The following FZD5 variants were observed in gnomAD, a reference collection of about 807,000 sequenced individuals.
FZD5 encodes frizzled class receptor 5, also known as frizzled-5.
A neutral mutation model predicts 40.8 loss-of-function variants in FZD5; 12 were observed. That is an observed-to-expected ratio of 0.29 (90% CI 0.19 to 0.48). The LOEUF is 0.48. Among genes scored for constraint, FZD5 ranks in the 20% least tolerant of loss-of-function variants. The pLI is 0.99. For synonymous variants in FZD5, 380 were observed against 383.7 expected, an observed-to-expected ratio of 0.99 and a Z score of 0.11; for missense variants, 622 against 832.8, an observed-to-expected ratio of 0.75 and a Z score of 3.12.
rs1379230718 is a variant in FZD5, at chr2:207,766,902, G to A, written c.*80C>T. 1.5e-5 allele frequency: 18 copies of A among 1,161,946 alleles called. No homozygotes were observed. The highest frequency in any genetic ancestry group is 1.9e-5 in the Non-Finnish European group (16 of 864,508). The allele number at this position is 1,161,946 out of a possible 1,614,324, so 72.0% of individuals were successfully genotyped here. On this transcript the variant is annotated 3_prime_UTR_variant, in exon 2 of 2. Coordinates refer to ENST00000295417, the MANE Select transcript of FZD5 (RefSeq NM_003468.4). ...GGGCAACAGCACCATGAAGGTAAAC[G>A]GAAGTGACCTTGGCAAAACTACCAA...
In FZD5 at chr2:207,767,192, C is replaced by G. The variant is rs774814387; in HGVS notation, c.1548G>C (p.Thr516=). 4.4e-6 allele frequency: 7 copies of G among 1,603,990 alleles called. No individual in the cohort carries two copies. The South Asian group carries it at 7.8e-5, about 18-fold the overall frequency. ...TGCCCGACCAGATCCAGACGCCCGA[C>G]GTGATGCCCACCACCAGGCACATGA... ...KYFMCLVVGI[T]SGVWIWSGKT... The change falls in exon 2 of 2, where the codon ACG becomes ACC. Residue 516 remains threonine, a synonymous_variant. Coordinates refer to ENST00000295417, the MANE Select transcript of FZD5 (RefSeq NM_003468.4).
rs150479178 is a variant in FZD5, at chr2:207,768,041, C to A, written c.699G>T (p.Thr233=). 6.2e-7 allele frequency: 1 copy of A among 1,611,526 alleles called. No homozygotes were observed. The highest frequency in any genetic ancestry group is 1.3e-5 in the African/African-American group (1 of 74,854). Residue 233 remains threonine (T), a synonymous_variant, in exon 2 of 2, where the codon ACG becomes ACT. Transcript: ENST00000295417. ...YQPSFSADER[T]FATFWIGLWS... ...ACAGGCCTATCCAGAAGGTGGCGAACGTGCGCTCGTCGGCACTGAAGGACG... is the reference window on the plus strand; with the variant it reads ...ACAGGCCTATCCAGAAGGTGGCGAAAGTGCGCTCGTCGGCACTGAAGGACG...
rs775506434 is a variant in FZD5, at chr2:207,767,711, G to A, written c.1029C>T (p.Ala343=). 1 of 1,613,910 alleles carries A rather than the reference G, an allele frequency of 6.2e-7. No homozygotes were observed. The highest frequency in any genetic ancestry group is 8.5e-7 in the Non-Finnish European group (1 of 1,179,988). ...WVILSLTWFL[A]AGMKWGNEAI... is the part of the protein sequence containing the mutation. Reference sequence around the variant, plus strand: ...CCTCGTTGCCCCACTTCATGCCGGCGGCCAGGAACCAGGTGAGCGACAGGA... The same window carrying A: ...CCTCGTTGCCCCACTTCATGCCGGCAGCCAGGAACCAGGTGAGCGACAGGA... The change falls in exon 2 of 2, where the codon GCC becomes GCT. Residue 343 remains alanine (A), a synonymous_variant. Transcript: ENST00000295417.
chr2:207,767,268 G>T lies in FZD5; in HGVS notation c.1472C>A (p.Thr491Asn), dbSNP rs958978476. The change falls in exon 2 of 2, where the codon ACC (threonine) becomes AAC (asparagine). Residue 491 changes from threonine (T) to asparagine (N), a missense_variant. Thr to Asn is a moderately conservative substitution (Grantham distance 65). Transcript: ENST00000295417. ...CTCGGGCTTGGCGCGCGGCTGGCCG[G>T]TGTCGTGGCCCGGGCAGGCGCAGGT... ...ALTCACPGHD[T>N]GQPRAKPEYW... The T allele has an allele frequency of 2.0e-5, 33 of 1,611,146 alleles. No individual in the cohort carries two copies. Among genetic ancestry groups the T allele is most frequent in the Non-Finnish European group, 2.4e-5 (28 of 1,179,232 alleles).
At position 207,763,119 on chromosome 2, in the gene FZD5, C is replaced by T. The variant is rs77911328; in HGVS notation, c.*3863G>A. The T allele has an allele frequency of 0.017, 2,552 of 152,488 alleles. 31 individuals are homozygous for T. Among genetic ancestry groups the T allele is most frequent in the Admixed American group, 0.029 (441 of 15,252 alleles). 9.4% of individuals were successfully genotyped at this position (152,488 alleles called of 1,614,324 possible). A position where few individuals can be genotyped will look rare whatever the true frequency, so the allele number is the denominator to read the frequency against. ...CTGACTCGGTATGTGCCTCATTTGG[C>T]TCAGTAATAAATTCACCTGCACCAA... On this transcript the variant is annotated 3_prime_UTR_variant, in exon 2 of 2. Coordinates refer to ENST00000295417, the MANE Select transcript of FZD5 (RefSeq NM_003468.4).
chr2:207,767,055 G>A lies in FZD5; in HGVS notation c.1685C>T (p.Ala562Val). 2 of 1,526,534 alleles carry A rather than the reference G, an allele frequency of 1.3e-6. No homozygotes were observed. Among genetic ancestry groups the A allele is most frequent in the Non-Finnish European group, 1.7e-6 (2 of 1,146,942 alleles). The allele number at this position is 1,526,534 out of a possible 1,614,324, so 94.6% of individuals were successfully genotyped here. ...AAGDYPEASA[A>V]LTGRTGPPGP... ...CGGCGGCCCGGTCCTGCCTGTGAGC[G>A]CGGCGCTCGCCTCGGGGTAGTCCCC... is the stretch of plus-strand genomic sequence containing the variant. The change falls in exon 2 of 2, where the codon GCG becomes GTG. Residue 562 changes from alanine (A) to valine (V), a missense_variant. By Grantham distance (64) the Ala-to-Val change is moderately conservative. Transcript: ENST00000295417.
Position 207,767,079 on chromosome 2 carries a change from C to T in FZD5, c.1661G>A (p.Gly554Glu), listed in dbSNP as rs201394212. 105 of 1,593,928 alleles carry T rather than the reference C, an allele frequency of 6.6e-5. No individual in the cohort carries two copies. The highest frequency in any genetic ancestry group is 1.3e-5 in the African/African-American group (1 of 74,816). ...CGCGGCGCTCGCCTCGGGGTAGTCC[C>T]CTGCGGCCATGGCGCCCCCGCTCTT... ...GHKSGGAMAA[G>E]DYPEASAALT... The change falls in exon 2 of 2, where the codon GGG (glycine) becomes GAG (glutamate). Residue 554 changes from glycine (G) to glutamate (E), a missense_variant. Physicochemically the swap from Gly to Glu is moderately conservative, Grantham distance 98. Transcript: ENST00000295417.
Position 207,767,362 on chromosome 2 carries a change from G to A in FZD5, c.1378C>T (p.Pro460Ser). The change falls in exon 2 of 2, where the codon CCC (proline) becomes TCC (serine). Residue 460 changes from proline to serine, a missense_variant. This residue lies in a region of FZD5 where 208 missense variants were observed against 348.9 expected (regional missense o/e 0.60). Coordinates refer to ENST00000295417, the MANE Select transcript of FZD5 (RefSeq NM_003468.4). Reference sequence around the variant, plus strand: ...TAGCAGGCCACCACAATGCTGGCGGGGACCGTGTAGAGCAGCGTGAAGATG... The same window carrying A: ...TAGCAGGCCACCACAATGCTGGCGGAGACCGTGTAGAGCAGCGTGAAGATG... The part of the protein sequence containing the change: ...IGIFTLLYTV[P>S]ASIVVACYLY... The A allele has an allele frequency of 6.2e-7, 1 of 1,612,544 alleles. No individual in the cohort carries two copies. Among genetic ancestry groups the A allele is most frequent in the Non-Finnish European group, 8.5e-7 (1 of 1,179,938 alleles).
Position 207,764,992 on chromosome 2 carries a change from CGAGGTTTTGTAG to C in FZD5, c.*1978_*1989del, listed in dbSNP as rs1453752949. On this transcript the variant is annotated 3_prime_UTR_variant, in exon 2 of 2. Transcript: ENST00000295417. Reference sequence around the variant, plus strand: ...GCACAAAGTTCTGTAGCTATTTGTACGAGGTTTTGTAGAATCCACTGAAATTTTAATTCAGAG... The same window carrying C: ...GCACAAAGTTCTGTAGCTATTTGTACAATCCACTGAAATTTTAATTCAGAG... The C allele has an allele frequency of 1.3e-5, 2 of 152,046 alleles. No individual in the cohort carries two copies. The highest frequency in any genetic ancestry group is 2.9e-5 in the Non-Finnish European group (2 of 68,014). The allele number at this position is 152,046 out of a possible 1,614,324, so 9.4% of individuals were successfully genotyped here.
rs1007906603 is a variant in FZD5, at chr2:207,763,608, ACC to A, written c.*3372_*3373del. 3 of 152,168 alleles carry A rather than the reference ACC, an allele frequency of 2.0e-5. No individual in the cohort carries two copies. The highest frequency in any genetic ancestry group is 7.3e-5 in the African/African-American group (3 of 41,306). 9.4% of individuals were successfully genotyped at this position (152,168 alleles called of 1,614,324 possible). A position where few individuals can be genotyped will look rare whatever the true frequency, so the allele number is the denominator to read the frequency against. ...AGTTATTCAAAGCTCTGTCCCTCCT[ACC>A]CCCCTTGGGCTTTCTGTAGAGCACA... On this transcript the variant is annotated 3_prime_UTR_variant, in exon 2 of 2. Transcript: ENST00000295417.
chr2:207,767,120 G>A lies in FZD5; in HGVS notation c.1620C>T (p.Arg540=). 6.4e-7 allele frequency: 1 copy of A among 1,564,504 alleles called. No homozygotes were observed. The highest frequency in any genetic ancestry group is 1.4e-5 in the African/African-American group (1 of 73,786). ...WRRFTSRCCC[R]PRRGHKSGGA... is the part of the protein sequence containing the mutation. ...CCCCGCTCTTGTGGCCGCGCCGCGG[G>A]CGGCAGCAGCAGCGGCTGGTGAAAC... Residue 540 remains arginine (R), a synonymous_variant, in exon 2 of 2, where the codon CGC becomes CGT. Transcript: ENST00000295417.
chr2:207,763,032 G>A lies in FZD5; in HGVS notation c.*3950C>T. On this transcript the variant is annotated 3_prime_UTR_variant, in exon 2 of 2. Transcript: ENST00000295417. Reference sequence around the variant, plus strand: ...TTTAACATAACAGTGACTACAGCATGGGATAGGCACTATACATATATGGAA... The same window carrying A: ...TTTAACATAACAGTGACTACAGCATAGGATAGGCACTATACATATATGGAA... 1 of 152,664 alleles carries A rather than the reference G, an allele frequency of 6.6e-6. No individual in the cohort carries two copies. 9.5% of individuals were successfully genotyped at this position (152,664 alleles called of 1,614,324 possible). A position where few individuals can be genotyped will look rare whatever the true frequency, so the allele number is the denominator to read the frequency against.
rs144525693 is a variant in FZD5, at chr2:207,767,503, G to A, written c.1237C>T (p.Leu413=). Reference sequence around the variant, plus strand: ...GCCAGCAGGAAGAGCGTGCCCACCAGCAGGTAGAGCACCAGCGGGCCCAGC... The same window carrying A: ...GCCAGCAGGAAGAGCGTGCCCACCAACAGGTAGAGCACCAGCGGGCCCAGC... The part of the protein sequence containing the change: ...FVLGPLVLYL[L]VGTLFLLAGF... The change falls in exon 2 of 2, where the codon CTG becomes TTG. Residue 413 remains leucine (L), a synonymous_variant. Coordinates refer to ENST00000295417, the MANE Select transcript of FZD5 (RefSeq NM_003468.4). The A allele has an allele frequency of 5.4e-3, 8,769 of 1,609,890 alleles. 31 individuals carry two copies. Among genetic ancestry groups the A allele is most frequent in the Non-Finnish European group, 6.3e-3 (7,389 of 1,179,928 alleles).
chr2:207,769,114 C>G lies in FZD5; in HGVS notation c.-255-120G>C, dbSNP rs1034828450. 9 of 219,596 alleles carry G rather than the reference C, an allele frequency of 4.1e-5. No homozygotes were observed. The East Asian group carries it at 1.1e-3, about 26-fold the overall frequency. The allele number at this position is 219,596 out of a possible 1,614,324, so 13.6% of individuals were successfully genotyped here. A position where few individuals can be genotyped will look rare whatever the true frequency, so the allele number is the denominator to read the frequency against. On this transcript the variant is annotated intron_variant, in intron 1 of 1. Coordinates refer to ENST00000295417, the MANE Select transcript of FZD5 (RefSeq NM_003468.4). ...AAGTTAACCCCTTTCCTTTCCTCCC[C>G]GCTCCGCCTCCTGTAACCAAACTAC...
chr2:207,768,760 C>G lies in FZD5; in HGVS notation c.-21G>C. On this transcript the variant is annotated 5_prime_UTR_variant, in exon 2 of 2. Coordinates refer to ENST00000295417, the MANE Select transcript of FZD5 (RefSeq NM_003468.4). ...GCCATCGCCCCCTCCCTCCCCTCGC[C>G]TCCAGCAGCCCGCGAGGGACGCACA... 1 of 1,514,906 alleles carries G rather than the reference C, an allele frequency of 6.6e-7. No individual in the cohort carries two copies. The allele number at this position is 1,514,906 out of a possible 1,614,324, so 93.8% of individuals were successfully genotyped here.
chr2:207,762,758 T>A lies in FZD5; in HGVS notation c.*4224A>T, dbSNP rs2105848877. The A allele has an allele frequency of 6.5e-6, 1 of 152,764 alleles. No homozygotes were observed. Among genetic ancestry groups the A allele is most frequent in the South Asian group, 2.1e-4 (1 of 4,830 alleles). The allele number at this position is 152,764 out of a possible 1,614,324, so 9.5% of individuals were successfully genotyped here. ...TTTACCTTCCCACAAATATAATACATACAAAATTTTTCTGAAGTAAGGTCA... is the reference window on the plus strand; with the variant it reads ...TTTACCTTCCCACAAATATAATACAAACAAAATTTTTCTGAAGTAAGGTCA... On this transcript the variant is annotated 3_prime_UTR_variant, in exon 2 of 2. Coordinates refer to ENST00000295417, the MANE Select transcript of FZD5 (RefSeq NM_003468.4).
Position 207,767,477 on chromosome 2 carries a change from C to A in FZD5, c.1263G>T (p.Ala421=), listed in dbSNP as rs2091986013. ...YLLVGTLFLL[A]GFVSLFRIRS... is the part of the protein sequence containing the mutation. ...GGATGCGGAAGAGCGACACGAAGCC[C>A]GCCAGCAGGAAGAGCGTGCCCACCA... is the stretch of plus-strand genomic sequence containing the variant. Residue 421 remains alanine, a synonymous_variant, in exon 2 of 2, where the codon GCG becomes GCT. Transcript: ENST00000295417. 6.2e-7 allele frequency: 1 copy of A among 1,610,718 alleles called. No homozygotes were observed. Among genetic ancestry groups the A allele is most frequent in the Non-Finnish European group, 8.5e-7 (1 of 1,179,934 alleles).
chr2:207,768,705 A>T lies in FZD5; in HGVS notation c.35T>A (p.Leu12Gln). 1 of 1,598,420 alleles carries T rather than the reference A, an allele frequency of 6.3e-7. No homozygotes were observed. Among genetic ancestry groups the T allele is most frequent in the Non-Finnish European group, 8.5e-7 (1 of 1,172,948 alleles). ...ARPDPSAPPS[L>Q]LLLLLAQLVG... is the part of the protein sequence containing the mutation. The stretch of plus-strand genomic sequence containing the variant: ...CAGCTGCGCTAGGAGCAGCAGCAAC[A>T]GCGAGGGCGGCGCGGATGGGTCAGG... The change falls in exon 2 of 2, where the codon CTG becomes CAG. Residue 12 changes from leucine to glutamine, a missense_variant. Transcript: ENST00000295417.
rs971407718 is a variant in FZD5, at chr2:207,766,987, C to T, written c.1753G>A (p.Val585Met). ...AGTCCCTCGGCGGCAGCCTCCTACA[C>T]GTGCGACAGGGACACCTGCTTGTGG... ...TYHKQVSLSH[V>M] The change falls in exon 2 of 2, where the codon GTG (valine) becomes ATG (methionine). Residue 585 changes from valine to methionine, a missense_variant. Around this residue, in one of 4 missense-constraint regions of FZD5, gnomAD observed 154 missense variants for 152.1 expected, o/e 1.01. Coordinates refer to ENST00000295417, the MANE Select transcript of FZD5 (RefSeq NM_003468.4). 3 of 1,471,864 alleles carry T rather than the reference C, an allele frequency of 2.0e-6. No homozygotes were observed. The highest frequency in any genetic ancestry group is 1.8e-6 in the Non-Finnish European group (2 of 1,119,884). 91.2% of individuals were successfully genotyped at this position (1,471,864 alleles called of 1,614,324 possible).
Sources: gnomAD v4.1 joint callset for allele counts on GRCh38, gnomAD v4.1.1 for gene constraint, gnomAD v4.1.1 regional missense constraint, MANE v1.5 for transcripts, NCBI Gene and HGNC (gene_info 2026-07-23, HGNC 2026-07-21) for gene names.